FGF12: variants seen among roughly 807,000 people sequenced by gnomAD.
The protein encoded by FGF12 is fibroblast growth factor 12B.
In FGF12, 14 loss-of-function variants were observed where a neutral mutation model predicts 23.6. That is an observed-to-expected ratio of 0.59 (90% CI 0.39 to 0.93). The LOEUF (loss-of-function observed/expected upper bound fraction) is 0.93. FGF12 is among the 40% of genes least tolerant of loss of function. The pLI is 0.00. For synonymous variants in FGF12, 62 were observed against 77.3 expected (o/e 0.80, Z 1.04); for missense variants, 175 against 217.8 (o/e 0.80, Z 1.24).
intron 2 of FGF12, among the ~76,000 whole-genome samples, chr3:192,522,246 C>G (rs1283725415): frequency 6.7e-6 from 1 of 150,314 alleles, no homozygotes; most frequent in Non-Finnish European, 1.5e-5. Flanking sequence ...TTGTGATTTT[C>G]CAATTGGGAA....
intron 2 of FGF12, among the ~76,000 whole-genome samples, chr3:192,456,021 G>A (rs1722672468): frequency 6.6e-6 from 1 of 152,154 alleles, no homozygotes; most frequent in South Asian, 2.1e-4. Flanking sequence ...TCCATAATAT[G>A]TTATCAACTC....
At chr3:192,445,766 A>G (rs1722335850) in intron 2 of FGF12, among the ~76,000 whole-genome samples, 1 of 152,186 alleles carries the variant, frequency 6.6e-6, no homozygotes, top group Non-Finnish European at 1.5e-5. Flanking sequence ...GATTCAAATA[A>G]TTAGCCAAGC....
chr3:192,281,106 TCACCACAAA>T, intron 4 of FGF12, among the ~76,000 whole-genome samples: 1 of 152,220 alleles, frequency 6.6e-6, no homozygotes, highest in Non-Finnish European at 1.5e-5. Context: ...GCCACTACAA[TCACCACAAA>T]CTGGGTGGCT....
chr3:192,315,111 T>C (rs1408450596), intron 4 of FGF12, among the ~76,000 whole-genome samples: 1 of 152,172 alleles, frequency 6.6e-6, no homozygotes, highest in African/African-American at 2.4e-5. Context: ...ACATAACTAC[T>C]AGGTTTTTTG....
intron 4 of FGF12, among the ~76,000 whole-genome samples, chr3:192,244,629 T>C (rs1719791918): frequency 6.6e-6 from 1 of 152,166 alleles, no homozygotes; most frequent in African/African-American, 2.4e-5. Context: ...TATCTTATGG[T>C]TGTGAGTTAA....
chr3:192,331,311 C>CAAAAAAAAAAAAAAAAAAAAAA (rs201997868), intron 4 of FGF12, among the ~76,000 whole-genome samples: 1 of 95,976 alleles, frequency 1.0e-5, no homozygotes, highest in Non-Finnish European at 2.3e-5. Flanking sequence ...GGAGTTTTCT[C>CAAAAAAAAAAAAAAAAAAAAAA]AAAAAAAAAA....
intron 2 of FGF12, among the ~76,000 whole-genome samples, chr3:192,400,656 C>T (rs376601304): frequency 3.3e-5 from 5 of 151,946 alleles, no homozygotes; most frequent in African/African-American, 1.2e-4. Context: ...TGTGAACCAC[C>T]GCACCCCGTC....
At chr3:192,233,769 G>A (rs1302915967) in intron 4 of FGF12, among the ~76,000 whole-genome samples, 1 of 152,016 alleles carries the variant, frequency 6.6e-6, no homozygotes, top group African/African-American at 2.4e-5. Context: ...TATGGCTAGC[G>A]AGTGATCCCA....
intron 5 of FGF12, among the ~76,000 whole-genome samples, chr3:192,163,828 A>AGTGTGT (rs35349561): frequency 5.6e-4 from 84 of 149,488 alleles, no homozygotes; most frequent in African/African-American, 6.9e-4. Context: ...AGTGTGTGTG[A>AGTGTGT]GTGTGTGTGT....
intron 2 of FGF12, among the ~76,000 whole-genome samples, chr3:192,395,755 T>A (rs1720488929): frequency 6.6e-6 from 1 of 152,184 alleles, no homozygotes; most frequent in South Asian, 2.1e-4. Flanking sequence ...CCTGGAAGGA[T>A]CTGAGAAGAT....
intron 4 of FGF12, among the ~76,000 whole-genome samples, chr3:192,204,282 A>G (rs1466212500): frequency 1.3e-5 from 2 of 152,216 alleles, no homozygotes; most frequent in Non-Finnish European, 2.9e-5. Context: ...AAAGCTGTAC[A>G]GCAGAACTTT....
At chr3:192,325,703 C>A (rs887041830) in intron 4 of FGF12, among the ~76,000 whole-genome samples, 1 of 152,128 alleles carries the variant, frequency 6.6e-6, no homozygotes, top group African/African-American at 2.4e-5. Flanking sequence ...GAACAGAATT[C>A]TTTCACTGAG....
chr3:192,474,507 A>G (rs1177841472), intron 2 of FGF12, among the ~76,000 whole-genome samples: 3 of 152,178 alleles, frequency 2.0e-5, no homozygotes, highest in East Asian at 3.8e-4. Flanking sequence ...TTGAATTTCC[A>G]TATACTGAAG....
At chr3:192,534,532 A>T (rs192198671) in intron 2 of FGF12, among the ~76,000 whole-genome samples, 27 of 151,996 alleles carry the variant, frequency 1.8e-4, no homozygotes, top group Non-Finnish European at 3.8e-4. Context: ...AGTAGATGGG[A>T]CTATAGGTGC....
At chr3:192,653,467 A>G (rs1187753160) in intron 2 of FGF12, among the ~76,000 whole-genome samples, 1 of 152,270 alleles carries the variant, frequency 6.6e-6, no homozygotes, top group Non-Finnish European at 1.5e-5. Flanking sequence ...CAACGCCACC[A>G]GTTTTCCTCA....
At chr3:192,587,912 G>A (rs1203187244) in intron 2 of FGF12, among the ~76,000 whole-genome samples, 1 of 151,752 alleles carries the variant, frequency 6.6e-6, no homozygotes, top group African/African-American at 2.4e-5. Flanking sequence ...CTTAAAACAT[G>A]GGTGAAAAAG....
intron 2 of FGF12, among the ~76,000 whole-genome samples, chr3:192,534,612 G>A (rs887396963): frequency 2.6e-5 from 4 of 152,008 alleles, no homozygotes; most frequent in Admixed American, 2.0e-4. Context: ...GACTGGTACC[G>A]AACTCCTGAC....
intron 2 of FGF12, among the ~76,000 whole-genome samples, chr3:192,669,753 T>A (rs930734566): frequency 6.6e-6 from 1 of 152,132 alleles, no homozygotes; most frequent in Admixed American, 6.6e-5. Flanking sequence ...CATTTTCTTA[T>A]GATAATGTGT....
chr3:192,295,902 A>G (rs1337964236), intron 4 of FGF12, among the ~76,000 whole-genome samples: 2 of 151,594 alleles, frequency 1.3e-5, no homozygotes, highest in Non-Finnish European at 2.9e-5. Context: ...ATTTTTTTTG[A>G]GACAAGGTCT....
Sources: gnomAD v4.1 joint callset for allele counts (sites outside exome capture counted in the v4.1 genomes callset) on GRCh38, gnomAD v4.1.1 for gene constraint, MANE v1.5 for transcripts, NCBI Gene and HGNC (gene_info 2026-07-23, HGNC 2026-07-21) for gene names.